GRID2: variants seen among roughly 807,000 people sequenced by gnomAD.
GRID2 encodes glutamate ionotropic receptor delta type subunit 2.
A neutral mutation model predicts 114.8 loss-of-function variants in GRID2; 33 were observed. The ratio of observed to expected loss-of-function variants is 0.29; its 90% CI spans 0.22 to 0.38. The LOEUF (loss-of-function observed/expected upper bound fraction) is 0.38. Among genes scored for constraint, GRID2 ranks in the 10% least tolerant of loss-of-function variants. GRID2 has a pLI of 1.00. For missense variants in GRID2, 1,184 were observed against 1,257.7 expected (o/e 0.94, Z 0.89); for synonymous variants, 505 against 449.9 (o/e 1.12, Z -1.55).
intron 14 of GRID2, among the ~76,000 whole-genome samples, chr4:93,677,790 G>T (rs1234808479): frequency 2.6e-5 from 4 of 152,168 alleles, no homozygotes; most frequent in African/African-American, 7.2e-5. Flanking sequence ...TACATCACCA[G>T]CATCAAAGAC....
chr4:92,803,066 G>T (rs1488037146), intron 2 of GRID2, among the ~76,000 whole-genome samples: 1 of 151,840 alleles, frequency 6.6e-6, no homozygotes, highest in African/African-American at 2.4e-5. Context: ...GTAATATCAG[G>T]ATATTTTTTG....
intron 2 of GRID2, among the ~76,000 whole-genome samples, chr4:92,911,667 C>T (rs1355512094): frequency 6.6e-6 from 1 of 151,634 alleles, no homozygotes; most frequent in East Asian, 1.9e-4. Context: ...TATGTTCCAT[C>T]TGTGGTTTTC....
intron 2 of GRID2, among the ~76,000 whole-genome samples, chr4:92,671,851 A>G (rs562021515): frequency 6.6e-6 from 1 of 152,246 alleles, no homozygotes; most frequent in South Asian, 2.1e-4. Context: ...TATTTGAAAA[A>G]TAACTTTTGC....
At chr4:92,421,631 A>T in intron 1 of GRID2, among the ~76,000 whole-genome samples, 1 of 152,112 alleles carries the variant, frequency 6.6e-6, no homozygotes, top group African/African-American at 2.4e-5. Flanking sequence ...TGAGAATAAG[A>T]ATTAGACACA....
intron 2 of GRID2, among the ~76,000 whole-genome samples, chr4:92,819,478 C>T (rs776171866): frequency 6.6e-6 from 1 of 152,004 alleles, no homozygotes; most frequent in African/African-American, 2.4e-5. Flanking sequence ...GGATAAAACC[C>T]AAACAGCCTC....
In GRID2 at chr4:93,624,297, T is replaced by C. The variant is rs569088867; in HGVS notation, c.2194-1972T>C. On this transcript the variant is annotated intron_variant, in intron 13 of 15. Transcript: ENST00000282020. Reference sequence around the variant, plus strand: ...TGATAATTTTGTCTCTACTGGATGATAATTTTTTCCTAATAGATTGCAATC... The same window carrying C: ...TGATAATTTTGTCTCTACTGGATGACAATTTTTTCCTAATAGATTGCAATC... 2.0e-5 allele frequency among the ~76,000 whole-genome samples: 3 copies of C among 152,288 alleles called. No homozygotes were observed. In the South Asian group the frequency reaches 6.2e-4, roughly 32 times the overall value.
chr4:93,539,609 T>A (rs569090144), intron 13 of GRID2, among the ~76,000 whole-genome samples: 1 of 152,206 alleles, frequency 6.6e-6, no homozygotes, highest in African/African-American at 2.4e-5. Flanking sequence ...TAACACAGTA[T>A]CTCATAACCT....
chr4:93,645,620 C>G (rs1460284444), intron 14 of GRID2, among the ~76,000 whole-genome samples: 1 of 152,124 alleles, frequency 6.6e-6, no homozygotes, highest in Non-Finnish European at 1.5e-5. Flanking sequence ...ATCATGTTGC[C>G]TGTCTCCTGG....
At chr4:93,047,247 A>G (rs1488348502) in intron 2 of GRID2, among the ~76,000 whole-genome samples, 1 of 152,150 alleles carries the variant, frequency 6.6e-6, no homozygotes, top group East Asian at 1.9e-4. Flanking sequence ...TAAATGGAGT[A>G]TGGTAGCCTG....
At chr4:92,928,805 G>C (rs898536973) in intron 2 of GRID2, among the ~76,000 whole-genome samples, 3 of 151,516 alleles carry the variant, frequency 2.0e-5, no homozygotes, top group Non-Finnish European at 4.4e-5. Flanking sequence ...TAGTGATTTT[G>C]TGGTTTACAG....
chr4:93,462,091 T>TAGCAGCAAGCATTTATTA (rs1297968717), intron 11 of GRID2, among the ~76,000 whole-genome samples: 5 of 152,188 alleles, frequency 3.3e-5, no homozygotes, highest in African/African-American at 1.2e-4. Context: ...TATGTTTATT[T>TAGCAGCAAGCATTTATTA]AGCAGCAAGC....
At chr4:93,217,041 T>C (rs1253891714) in intron 6 of GRID2, 130 bp downstream of exon 6, 1 of 624,146 alleles carries the variant, frequency 1.6e-6, no homozygotes, top group East Asian at 2.7e-5. Flanking sequence ...AGCAATTTCA[T>C]AAGTCTAATG....
At chr4:92,336,427 T>C (rs2110153414) in intron 1 of GRID2, among the ~76,000 whole-genome samples, 1 of 152,180 alleles carries the variant, frequency 6.6e-6, no homozygotes, top group Non-Finnish European at 1.5e-5. Context: ...TCCTCCACAT[T>C]TCTACACTTG....
At chr4:92,376,108 A>G (rs1052949007) in intron 1 of GRID2, among the ~76,000 whole-genome samples, 7 of 151,968 alleles carry the variant, frequency 4.6e-5, no homozygotes, top group Admixed American at 3.3e-4. Context: ...AAAATTATAT[A>G]TATATAAATT....
chr4:92,695,908 G>T (rs1033791715), intron 2 of GRID2, among the ~76,000 whole-genome samples: 3 of 152,100 alleles, frequency 2.0e-5, no homozygotes, highest in Non-Finnish European at 2.9e-5. Context: ...AGATGATTTA[G>T]TGTACGATAT....
At chr4:92,418,947 G>C (rs1443166595) in intron 1 of GRID2, among the ~76,000 whole-genome samples, 1 of 151,784 alleles carries the variant, frequency 6.6e-6, no homozygotes, top group Non-Finnish European at 1.5e-5. Flanking sequence ...ATAATTTGGA[G>C]GTTAATGTTG....
chr4:92,483,910 G>C (rs1722740008), intron 1 of GRID2, among the ~76,000 whole-genome samples: 1 of 152,144 alleles, frequency 6.6e-6, no homozygotes, highest in Non-Finnish European at 1.5e-5. Flanking sequence ...AGAATTTTAA[G>C]AAATGGAAAT....
At chr4:93,657,338 A>G (rs10029829) in intron 14 of GRID2, among the ~76,000 whole-genome samples, 11,753 of 152,156 alleles carry the variant, frequency 0.077, 1,110 homozygotes, top group African/African-American at 0.22. Context: ...TACTGTACAT[A>G]TTTTAACAAA....
chr4:92,439,400 T>C (rs994505862), intron 1 of GRID2, among the ~76,000 whole-genome samples: 1 of 152,146 alleles, frequency 6.6e-6, no homozygotes, highest in African/African-American at 2.4e-5. Context: ...CTCAGAGGCC[T>C]GACATTCCCG....
Sources: gnomAD v4.1 joint callset for allele counts (sites outside exome capture counted in the v4.1 genomes callset) on GRCh38, gnomAD v4.1.1 for gene constraint, MANE v1.5 for transcripts, NCBI Gene and HGNC (gene_info 2026-07-23, HGNC 2026-07-21) for gene names.